AHNAK: variants seen among roughly 807,000 people sequenced by gnomAD.
AHNAK encodes the protein AHNAK nucleoprotein.
In AHNAK, 23 loss-of-function variants were observed where a neutral mutation model predicts 37.8. The ratio of observed to expected loss-of-function variants is 0.61; its 90% confidence interval spans 0.44 to 0.86. The LOEUF (loss-of-function observed/expected upper bound fraction) is 0.86, where lower values mean the gene tolerates loss of function less well. AHNAK is among the 40% of genes least tolerant of loss of function. The pLI, the probability that AHNAK is intolerant of heterozygous loss-of-function variation, is 0.00. For missense variants in AHNAK, 7,411 were observed against 7,319.4 expected (o/e 1.01, Z -0.46); for synonymous variants, 2,481 against 2,636.3 (o/e 0.94, Z 1.80).
chr11:62,518,891 C>T lies in AHNAK; in HGVS notation c.15526G>A (p.Glu5176Lys), dbSNP rs769910296. The change falls in exon 5 of 5, where the codon GAA becomes AAA. Residue 5176 changes from glutamate to lysine, a missense_variant. Coordinates refer to ENST00000378024, the MANE Select transcript of AHNAK (RefSeq NM_001620.3). ...ANLGAPDINIEGLDAKVKTPS... is the reference protein window; with the variant it reads ...ANLGAPDINIKGLDAKVKTPS... Reference sequence around the variant, plus strand: ...GTTTTGACTTTAGCATCTAGGCCTTCGATGTTGATGTCAGGTGCACCCAAG... The same window carrying T: ...GTTTTGACTTTAGCATCTAGGCCTTTGATGTTGATGTCAGGTGCACCCAAG... 3.1e-6 allele frequency: 5 copies of T among 1,614,202 alleles called. No homozygotes were observed. The highest frequency in any genetic ancestry group is 2.2e-5 in the East Asian group (1 of 44,876).
Position 62,527,095 on chromosome 11 carries a change from A to G in AHNAK, c.7322T>C (p.Phe2441Ser). The change falls in exon 5 of 5, where the codon TTC (phenylalanine) becomes TCC (serine). Residue 2441 changes from phenylalanine to serine, a missense_variant. By Grantham distance (155) the Phe-to-Ser change is radical (BLOSUM62 -2). Transcript: ENST00000378024. Reference protein sequence around the residue: ...GPEGKLKGPKFKMPDMHFKAP... With the variant: ...GPEGKLKGPKSKMPDMHFKAP... Reference sequence around the variant, plus strand: ...TTTGAAATGCATATCAGGCATCTTGAACTTAGGGCCTTTCAATTTGCCCTC... The same window carrying G: ...TTTGAAATGCATATCAGGCATCTTGGACTTAGGGCCTTTCAATTTGCCCTC... 1.2e-6 allele frequency: 2 copies of G among 1,614,146 alleles called. No individual in the cohort carries two copies. Among genetic ancestry groups the G allele is most frequent in the Non-Finnish European group, 1.7e-6 (2 of 1,180,034 alleles).
rs1204057712 is a variant in AHNAK at position 62,523,116 on chromosome 11, C to G, written c.11301G>C (p.Leu3767=). The change falls in exon 5 of 5, where the codon CTG becomes CTC. Residue 3767 remains leucine, a synonymous_variant. Transcript: ENST00000378024. The part of the protein sequence containing the change: ...PKVKGDVDVS[L]PKMEGDLKGP... Reference sequence around the variant, plus strand: ...CCTTGAGGTCACCTTCCATTTTGGGCAGAGAAACATCCACATCGCCCTTGA... The same window carrying G: ...CCTTGAGGTCACCTTCCATTTTGGGGAGAGAAACATCCACATCGCCCTTGA... 1.2e-6 allele frequency: 2 copies of G among 1,614,018 alleles called. No homozygotes were observed. Among genetic ancestry groups the G allele is most frequent in the African/African-American group, 1.3e-5 (1 of 74,988 alleles).
At position 62,463,441 on chromosome 11, in the gene AHNAK, C is replaced by T. The variant is rs867417198; in HGVS notation, c.442+28291G>A. On this transcript the variant is annotated intron_variant, in intron 5 of 5. Transcript: ENST00000257247. ...CTGTCCCTTTTTCAAGATGACTGCTCCGCTCCTCTCCTCCATCCTCCAGCC... is the reference window on the plus strand; with the variant it reads ...CTGTCCCTTTTTCAAGATGACTGCTTCGCTCCTCTCCTCCATCCTCCAGCC... Among the ~76,000 whole-genome samples, 75 of 147,000 alleles carry T rather than the reference C, an allele frequency of 5.1e-4. 1 individual carries two copies. The highest frequency in any genetic ancestry group is 1.8e-3 in the African/African-American group (72 of 41,066).
rs1205987795 is a variant in AHNAK, at chr11:62,525,013, T to C, written c.9404A>G (p.Asn3135Ser). ...GCCTTGAACATCCACATCTGGGGCA[T>C]TAATATCCACTTTGGGGCCTTTAAT... ...VDIKGPKVDI[N>S]APDVDVQGPD... The change falls in exon 5 of 5, where the codon AAT becomes AGT. Residue 3135 changes from asparagine (N) to serine (S), a missense_variant. Transcript: ENST00000378024. 2.5e-6 allele frequency: 4 copies of C among 1,613,414 alleles called. No homozygotes were observed. The African/African-American group carries it at 4.0e-5, about 16-fold the overall frequency.
chr11:62,486,360 C>T (rs1282127546), intron 5 of AHNAK, among the ~76,000 whole-genome samples: 1 of 152,052 alleles, frequency 6.6e-6, no homozygotes, highest in Admixed American at 6.6e-5. Flanking sequence ...GTAATCCCAG[C>T]TACTTGGGAG....
rs1182553155 is a variant in AHNAK at position 62,517,339 on chromosome 11, GC to G, written c.17077del (p.Ala5693LeufsTer15). 3 of 1,614,178 alleles carry G rather than the reference GC, an allele frequency of 1.9e-6. No individual in the cohort carries two copies. The highest frequency in any genetic ancestry group is 2.5e-6 in the Non-Finnish European group (3 of 1,180,038). On this transcript the variant is annotated frameshift_variant, in exon 5 of 5. Transcript: ENST00000378024. LOFTEE classifies it high-confidence loss of function. Reference sequence around the variant, plus strand: ...TTCCCACTCGCCGTCTCCAGCACCAGCTTGGATGCTGGCCTCTGCTTTAGGG... The same window carrying G: ...TTCCCACTCGCCGTCTCCAGCACCAGTTGGATGCTGGCCTCTGCTTTAGGG... ...HFPKAEASIQ[A>X]GAGDGEWEES... is the part of the protein sequence containing the mutation.
At position 62,524,387 on chromosome 11, in the gene AHNAK, C is replaced by G; in HGVS notation, c.10030G>C (p.Glu3344Gln). Residue 3344 changes from glutamate to glutamine, a missense_variant, in exon 5 of 5, where the codon GAA becomes CAA. Glu to Gln is a conservative substitution (Grantham distance 29). Transcript: ENST00000378024. ...AAACGAGATTTCTTTGACTTGCCTT[C>G]GATATTAAGCTTAGGACCGGAAACG... is the stretch of plus-strand genomic sequence containing the variant. ...VDVSGPKLNI[E>Q]GKSKKSRFKL... The G allele has an allele frequency of 6.2e-7, 1 of 1,612,244 alleles. No individual in the cohort carries two copies. Among genetic ancestry groups the G allele is most frequent in the South Asian group, 1.1e-5 (1 of 90,514 alleles).
In AHNAK at chr11:62,536,036, G is replaced by C; in HGVS notation, c.63C>G (p.His21Gln). 1 of 1,611,838 alleles carries C rather than the reference G, an allele frequency of 6.2e-7. No individual in the cohort carries two copies. Residue 21 changes from histidine to glutamine, a missense_variant, in exon 3 of 5, where the codon CAC (histidine) becomes CAG (glutamine). His to Gln is a conservative substitution (Grantham distance 24). Transcript: ENST00000378024. The part of the protein sequence containing the change: ...LLPNWQGSGS[H>Q]GLTIAQRDDG... ...CGTCCCTCTGGGCGATGGTCAGCCC[G>C]TGGGAGCCACTACCCTGCCAGTTGG...
At chr11:62,466,689 G>A (rs1252490415) in intron 5 of AHNAK, among the ~76,000 whole-genome samples, 1 of 152,094 alleles carries the variant, frequency 6.6e-6, no homozygotes, top group Admixed American at 6.6e-5. Flanking sequence ...TGCCTCACTA[G>A]TTTATTTCAG....
intron 4 of AHNAK, among the ~76,000 whole-genome samples, chr11:62,507,095 C>A (rs1218855009): frequency 2.0e-5 from 3 of 152,076 alleles, no homozygotes; most frequent in Non-Finnish European, 4.4e-5. Flanking sequence ...CCCCACTCCT[C>A]TCCAAACCTT....
intron 5 of AHNAK, among the ~76,000 whole-genome samples, chr11:62,485,009 G>A (rs947033306): frequency 2.0e-4 from 30 of 152,016 alleles, no homozygotes; most frequent in South Asian, 2.1e-4. Flanking sequence ...GGCTGGTCTC[G>A]AACTCCTGAC....
chr11:62,510,043 G>A (rs1228262375), intron 4 of AHNAK, among the ~76,000 whole-genome samples: 1 of 149,922 alleles, frequency 6.7e-6, no homozygotes, highest in Non-Finnish European at 1.5e-5. Flanking sequence ...TTGTATTGGA[G>A]TTTTGTTTGT....
intron 5 of AHNAK, among the ~76,000 whole-genome samples, chr11:62,439,665 A>ATTTTTTT (rs34334316): frequency 1.2e-5 from 1 of 83,282 alleles, no homozygotes; most frequent in Non-Finnish European, 2.6e-5. Flanking sequence ...TTTTTGTGTG[A>ATTTTTTT]TTTTTTTTTT....
intron 5 of AHNAK, among the ~76,000 whole-genome samples, chr11:62,469,959 T>C (rs1161268860): frequency 1.3e-5 from 2 of 152,166 alleles, no homozygotes; most frequent in Non-Finnish European, 2.9e-5. Context: ...AAAAACCTCA[T>C]AGGGTTTAGA....
chr11:62,522,945 C>T lies in AHNAK; in HGVS notation c.11472G>A (p.Val3824=), dbSNP rs1243312572. 1 of 1,613,446 alleles carries T rather than the reference C, an allele frequency of 6.2e-7. No homozygotes were observed. The highest frequency in any genetic ancestry group is 1.1e-5 in the South Asian group (1 of 91,058). The change falls in exon 5 of 5, where the codon GTG becomes GTA. Residue 3824 remains valine (V), a synonymous_variant. Coordinates refer to ENST00000378024, the MANE Select transcript of AHNAK (RefSeq NM_001620.3). The part of the protein sequence containing the change: ...MPGFKGEGPD[V]DVNLPKADLD... Reference sequence around the variant, plus strand: ...GGTCAGCCTTGGGCAGGTTCACATCCACATCTGGGCCCTCTCCTTTGAAGC... The same window carrying T: ...GGTCAGCCTTGGGCAGGTTCACATCTACATCTGGGCCCTCTCCTTTGAAGC...
At chr11:62,542,353 T>G (rs1291159349) in intron 1 of AHNAK, among the ~76,000 whole-genome samples, 1 of 152,126 alleles carries the variant, frequency 6.6e-6, no homozygotes, top group Admixed American at 6.5e-5. Context: ...CCCTGCTCCC[T>G]GCCCTTAGGA....
In AHNAK at chr11:62,523,789, A is replaced by G; in HGVS notation, c.10628T>C (p.Ile3543Thr). The change falls in exon 5 of 5, where the codon ATC becomes ACC. Residue 3543 changes from isoleucine to threonine, a missense_variant. By Grantham distance (89) the Ile-to-Thr change is moderately conservative (BLOSUM62 -1). Transcript: ENST00000378024. ...GTTTAAGTCAATGTCAGGCATGGAG[A>G]TCTTGGGAGCTTTGATATTCATGTC... ...MPDMNIKAPKISMPDIDLNLK... is the reference protein window; with the variant it reads ...MPDMNIKAPKTSMPDIDLNLK... 1 of 1,614,060 alleles carries G rather than the reference A, an allele frequency of 6.2e-7. No homozygotes were observed. The highest frequency in any genetic ancestry group is 1.1e-5 in the South Asian group (1 of 91,066).
At chr11:62,445,032 C>T (rs1938395481) in intron 5 of AHNAK, among the ~76,000 whole-genome samples, 1 of 152,168 alleles carries the variant, frequency 6.6e-6, no homozygotes, top group African/African-American at 2.4e-5. Context: ...CACAGTCCTA[C>T]CCCACGTGCT....
rs199917848 is a variant in AHNAK at position 62,528,455 on chromosome 11, T to C, written c.5962A>G (p.Lys1988Glu). ...AAGTCCACATCAGGCATGGAGATCT[T>C]GGGGGTCTTGAAGTGCATCTCAGGC... is the stretch of plus-strand genomic sequence containing the variant. The part of the protein sequence containing the change: ...KMPEMHFKTP[K>E]ISMPDVDLHL... The change falls in exon 5 of 5, where the codon AAG becomes GAG. Residue 1988 changes from lysine (K) to glutamate (E), a missense_variant. Lys to Glu is a moderately conservative substitution (Grantham distance 56, BLOSUM62 1). Transcript: ENST00000378024. The C allele has an allele frequency of 6.2e-7, 1 of 1,613,746 alleles. No homozygotes were observed. Among genetic ancestry groups the C allele is most frequent in the Non-Finnish European group, 8.5e-7 (1 of 1,179,962 alleles).
Sources: gnomAD v4.1 joint callset for allele counts (sites outside exome capture counted in the v4.1 genomes callset) on GRCh38, gnomAD v4.1.1 for gene constraint, MANE v1.5 for transcripts, NCBI Gene and HGNC (gene_info 2026-07-23, HGNC 2026-07-21) for gene names.